CNST: variants seen among roughly 807,000 people sequenced by gnomAD.
The protein encoded by CNST is consortin, connexin sorting protein.
In CNST, 39 loss-of-function variants were observed where a neutral mutation model predicts 72.4. The ratio of observed to expected loss-of-function variants is 0.54; its 90% CI spans 0.42 to 0.70. The LOEUF is 0.70. CNST is among the 30% of genes least tolerant of loss of function. The pLI, the probability that CNST is intolerant of heterozygous loss-of-function variation, is 0.00. For synonymous variants in CNST, 332 were observed against 320.1 expected (o/e 1.04, Z -0.40); for missense variants, 871 against 868.5 (o/e 1.00, Z -0.04).
In CNST at chr1:246,648,589, CA is replaced by C. The variant is rs934651382; in HGVS notation, c.1836+561del. Among the ~76,000 whole-genome samples the C allele has an allele frequency of 3.3e-5, 5 of 150,262 alleles. No homozygotes were observed. The South Asian group carries it at 6.3e-4, about 19-fold the overall frequency. On this transcript the variant is annotated intron_variant, in intron 9 of 10. Transcript: ENST00000366513. ...TACCATTTTTCATTGTTTGATAATACAAAAAAAAAGTTTGGAAAAAGAAAAG... is the reference window on the plus strand; with the variant it reads ...TACCATTTTTCATTGTTTGATAATACAAAAAAAAGTTTGGAAAAAGAAAAG...
intron 9 of CNST, among the ~76,000 whole-genome samples, chr1:246,652,894 C>G (rs922308853): frequency 8.3e-6 from 1 of 121,154 alleles, no homozygotes; most frequent in African/African-American, 2.7e-5. Context: ...GTCCCAGCTA[C>G]TCGGGAGGCT....
At chr1:246,587,993 T>C (rs779216628) in intron 1 of CNST, among the ~76,000 whole-genome samples, 8 of 152,220 alleles carry the variant, frequency 5.3e-5, no homozygotes, top group Admixed American at 1.3e-4. Context: ...AGAATCATTA[T>C]CTTCACATTT....
At chr1:246,627,137 C>G (rs1210949470) in intron 3 of CNST, among the ~76,000 whole-genome samples, 1 of 152,230 alleles carries the variant, frequency 6.6e-6, no homozygotes, top group Non-Finnish European at 1.5e-5. Flanking sequence ...ACTCTCCCTT[C>G]CACTTAGTGC....
chr1:246,658,709 GGCCAGCAAGTCACTGAT>G (rs373357683), intron 9 of CNST, among the ~76,000 whole-genome samples: 1,949 of 152,162 alleles, frequency 0.013, 41 homozygotes, highest in African/African-American at 0.043. Context: ...TAGTCACTGA[GGCCAGCAAGTCACTGAT>G]GCCAGCAAGT....
intron 2 of CNST, among the ~76,000 whole-genome samples, chr1:246,611,801 C>G (rs528170204): frequency 1.2e-4 from 19 of 152,254 alleles, no homozygotes; most frequent in Non-Finnish European, 2.5e-4. Flanking sequence ...CAGCATTATT[C>G]ACAGTAGCAA....
At chr1:246,634,962 T>A (rs1665071005) in intron 6 of CNST, among the ~76,000 whole-genome samples, 1 of 151,622 alleles carries the variant, frequency 6.6e-6, no homozygotes, top group Non-Finnish European at 1.5e-5. Context: ...GGTGCGTGTC[T>A]TCCGGCCGGG....
chr1:246,631,466 C>A (rs1001677112), intron 3 of CNST, among the ~76,000 whole-genome samples: 1 of 152,110 alleles, frequency 6.6e-6, no homozygotes, highest in East Asian at 1.9e-4. Flanking sequence ...TCTGCTTTTT[C>A]TTTTTATTAA....
chr1:246,612,115 G>A (rs1663358452), intron 2 of CNST, among the ~76,000 whole-genome samples: 1 of 152,214 alleles, frequency 6.6e-6, no homozygotes, highest in African/African-American at 2.4e-5. Context: ...TGAAGAATTA[G>A]TATTTTATGA....
At chr1:246,632,169 ATAAG>A (rs1440904646) in intron 4 of CNST, 1 of 371,296 alleles carries the variant, frequency 2.7e-6, no homozygotes, top group Non-Finnish European at 4.8e-6. Context: ...TTTTACTAAA[ATAAG>A]TATTTGTATT....
Position 246,633,941 on chromosome 1 carries a change from T to C in CNST, c.634T>C (p.Phe212Leu). The change falls in exon 5 of 11, where the codon TTC becomes CTC. Residue 212 changes from phenylalanine (F) to leucine (L), a missense_variant. By Grantham distance (22) the Phe-to-Leu change is conservative. Coordinates refer to ENST00000366513, the MANE Select transcript of CNST (RefSeq NM_152609.3). Reference protein sequence around the residue: ...QEEDYEKAMKFIQLERLYHEQ... With the variant: ...QEEDYEKAMKLIQLERLYHEQ... ...CTATTCAGATGAGAAAGCAATGAAA[T>C]TCATTCAGCTAGAACGATTGTATCA... 6.2e-7 allele frequency: 1 copy of C among 1,610,556 alleles called. No individual in the cohort carries two copies. The highest frequency in any genetic ancestry group is 8.5e-7 in the Non-Finnish European group (1 of 1,176,852).
At chr1:246,575,808 G>A (rs1660365684) in intron 1 of CNST, among the ~76,000 whole-genome samples, 1 of 152,114 alleles carries the variant, frequency 6.6e-6, no homozygotes, top group Non-Finnish European at 1.5e-5. Flanking sequence ...AAAATACAGA[G>A]AAGTGGAAGA....
chr1:246,662,527 T>C (rs994620970), intron 10 of CNST, among the ~76,000 whole-genome samples: 15 of 152,188 alleles, frequency 9.9e-5, no homozygotes, highest in African/African-American at 3.6e-4. Context: ...TAGCTGGGAT[T>C]ACAGGCATGT....
At position 246,665,758 on chromosome 1, in the gene CNST, C is replaced by T. The variant is rs1450388083; in HGVS notation, c.2031C>T (p.Phe677=). ...TCTTGCTGTGCATAGCAACGGTTTT[C>T]CTCAGTGTTGGAGGAACTGCATTAT... ...LLVLLCIATV[F]LSVGGTALYC... is the part of the protein sequence containing the mutation. Residue 677 remains phenylalanine (F), a synonymous_variant, in exon 11 of 11, where the codon TTC becomes TTT. Transcript: ENST00000366513. 4 of 1,613,844 alleles carry T rather than the reference C, an allele frequency of 2.5e-6. No individual in the cohort carries two copies. Among genetic ancestry groups the T allele is most frequent in the Non-Finnish European group, 3.4e-6 (4 of 1,180,042 alleles).
chr1:246,583,200 A>G (rs1252620891), intron 1 of CNST, among the ~76,000 whole-genome samples: 8 of 152,174 alleles, frequency 5.3e-5, no homozygotes, highest in East Asian at 1.9e-4. Context: ...TGTTTACCAT[A>G]CAGATGCCCT....
chr1:246,577,552 C>T lies in CNST; in HGVS notation c.-52+10889C>T, dbSNP rs188526280. Among the ~76,000 whole-genome samples, 233 of 152,130 alleles carry T rather than the reference C, an allele frequency of 1.5e-3. 2 individuals carry two copies. The highest frequency in any genetic ancestry group is 5.4e-3 in the African/African-American group (223 of 41,406). ...GTAAAACAATGAGTTTTAAAAATTT[C>T]GGTAAAGGTGGTCATAATTCTTACA... On this transcript the variant is annotated intron_variant, in intron 1 of 10. Coordinates refer to ENST00000366513, the MANE Select transcript of CNST (RefSeq NM_152609.3).
At chr1:246,637,826 T>C (rs561824640) in intron 6 of CNST, among the ~76,000 whole-genome samples, 3 of 152,258 alleles carry the variant, frequency 2.0e-5, no homozygotes, top group African/African-American at 7.2e-5. Context: ...AGAGTTTGTA[T>C]GACAACATTT....
rs1199975769 is a variant in CNST at position 246,591,826 on chromosome 1, A to G, written c.264A>G (p.Gln88=). ...SCEVAAGENL[Q]NTLCEASRDE... ...AGGTGGCTGCAGGTGAGAACTTGCA[A>G]AACACCCTTTGTGAAGCCTCCAGAG... The change falls in exon 2 of 11, where the codon CAA becomes CAG. Residue 88 remains glutamine, a synonymous_variant. Transcript: ENST00000366513. 2 of 1,614,038 alleles carry G rather than the reference A, an allele frequency of 1.2e-6. No homozygotes were observed. Among genetic ancestry groups the G allele is most frequent in the East Asian group, 2.2e-5 (1 of 44,874 alleles).
intron 1 of CNST, among the ~76,000 whole-genome samples, chr1:246,570,184 T>C (rs750431786): frequency 6.6e-6 from 1 of 152,102 alleles, no homozygotes; most frequent in Non-Finnish European, 1.5e-5. Flanking sequence ...AAGATGGCAG[T>C]TTTTATATAA....
chr1:246,594,960 T>TA (rs1331557989), intron 2 of CNST, among the ~76,000 whole-genome samples: 2 of 152,256 alleles, frequency 1.3e-5, no homozygotes, highest in East Asian at 3.8e-4. Context: ...AGAGATGGTA[T>TA]ACTCTATACT....
Sources: allele counts gnomAD v4.1 joint callset (sites outside exome capture counted in the v4.1 genomes callset), GRCh38; gene constraint gnomAD v4.1.1; transcripts MANE v1.5; gene names NCBI Gene and HGNC (gene_info 2026-07-23, HGNC 2026-07-21).